The following STYX variants were observed in gnomAD, a reference collection of about 807,000 sequenced individuals.
STYX encodes the protein serine/threonine/tyrosine interacting protein.
A neutral mutation model predicts 42.7 loss-of-function variants in STYX; 20 were observed. The observed-to-expected ratio is 0.47, with a 90% CI of 0.33 to 0.68. STYX has a LOEUF of 0.68. Ranked by LOEUF, STYX falls within the 30% of genes least tolerant of loss-of-function variation. The pLI, the probability that STYX is intolerant of heterozygous loss-of-function variation, is 0.02. For synonymous variants in STYX, 78 were observed against 81.9 expected (o/e 0.95, Z 0.26); for missense variants, 226 against 268.5 (o/e 0.84, Z 1.11).
chr14:52,750,137 T>TAA (rs1232151651), intron 3 of STYX, among the ~76,000 whole-genome samples: 2 of 152,240 alleles, frequency 1.3e-5, no homozygotes, highest in African/African-American at 4.8e-5. Flanking sequence ...TTGCCATTTT[T>TAA]AACTTCAGGA....
chr14:52,774,630 T>G lies in STYX; in HGVS notation c.*3524T>G, dbSNP rs1420017706. The G allele has an allele frequency of 6.7e-6, 1 of 149,630 alleles. No homozygotes were observed. Among genetic ancestry groups the G allele is most frequent in the African/African-American group, 2.5e-5 (1 of 40,694 alleles). The allele number at this position is 149,630 out of a possible 1,614,324, so 9.3% of individuals were successfully genotyped here. A position where few individuals can be genotyped will look rare whatever the true frequency, so the allele number is the denominator to read the frequency against. ...TTTTGTCTTTCCCATCTGTGGCAGC[T>G]AAAACAAAAATCACTCAAAATATTC... On this transcript the variant is annotated 3_prime_UTR_variant, in exon 11 of 11. Coordinates refer to ENST00000354586, the MANE Select transcript of STYX (RefSeq NM_145251.4).
intron 1 of STYX, among the ~76,000 whole-genome samples, chr14:52,736,331 T>G (rs1880948697): frequency 6.6e-6 from 1 of 152,240 alleles, no homozygotes; most frequent in African/African-American, 2.4e-5. Context: ...ACTTTAATAC[T>G]TACCTTTGTA....
chr14:52,755,903 A>G (rs1881845765), intron 4 of STYX, among the ~76,000 whole-genome samples: 1 of 152,176 alleles, frequency 6.6e-6, no homozygotes, highest in African/African-American at 2.4e-5. Context: ...TAAAAGAATA[A>G]CATAACGATT....
chr14:52,743,689 T>A (rs1297686918), intron 1 of STYX, among the ~76,000 whole-genome samples: 1 of 152,194 alleles, frequency 6.6e-6, no homozygotes. Flanking sequence ...CCTAAAATTG[T>A]TTCAAAATAA....
chr14:52,752,372 G>A (rs1020054243), intron 4 of STYX, among the ~76,000 whole-genome samples: 1 of 151,926 alleles, frequency 6.6e-6, no homozygotes, highest in East Asian at 1.9e-4. Flanking sequence ...GGCTGAGGCA[G>A]GAGAATCACT....
At chr14:52,740,083 C>G (rs1423216102) in intron 1 of STYX, among the ~76,000 whole-genome samples, 1 of 152,142 alleles carries the variant, frequency 6.6e-6, no homozygotes, top group Non-Finnish European at 1.5e-5. Context: ...TCAAGACCAA[C>G]CTGGCCAAGA....
At chr14:52,738,547 A>AT (rs977104109) in intron 1 of STYX, among the ~76,000 whole-genome samples, 6 of 152,198 alleles carry the variant, frequency 3.9e-5, no homozygotes, top group African/African-American at 1.4e-4. Flanking sequence ...TCCCTAAAGA[A>AT]TTTTTTTGAT....
chr14:52,746,758 A>G (rs1881411324), intron 3 of STYX, among the ~76,000 whole-genome samples: 2 of 152,220 alleles, frequency 1.3e-5, no homozygotes, highest in African/African-American at 4.8e-5. Flanking sequence ...TTTACTCTCT[A>G]AAACACTAGA....
rs76805489 is a variant in STYX at position 52,754,595 on chromosome 14, A to G, written c.243-1956A>G. Among the ~76,000 whole-genome samples the G allele has an allele frequency of 1.2e-3, 179 of 152,314 alleles. 1 individual carries two copies. In the East Asian group the frequency reaches 0.026, roughly 22 times the overall value. On this transcript the variant is annotated intron_variant, in intron 4 of 10. Coordinates refer to ENST00000354586, the MANE Select transcript of STYX (RefSeq NM_145251.4). ...TATTTAAATCATCTACAGTTCCACA[A>G]TTCAGAGAAAACACTTTTGTTAACA...
chr14:52,753,733 C>G (rs1881727407), intron 4 of STYX, among the ~76,000 whole-genome samples: 1 of 150,520 alleles, frequency 6.6e-6, no homozygotes, highest in Non-Finnish European at 1.5e-5. Context: ...TGTATTTTAC[C>G]TTATTTTTTG....
In STYX at chr14:52,730,243, G is replaced by A; in HGVS notation, c.-232G>A. The A allele has an allele frequency of 3.5e-6, 2 of 568,686 alleles. No individual in the cohort carries two copies. The highest frequency in any genetic ancestry group is 6.3e-6 in the Non-Finnish European group (2 of 318,144). 35.2% of individuals were successfully genotyped at this position (568,686 alleles called of 1,614,324 possible). On this transcript the variant is annotated 5_prime_UTR_variant, in exon 1 of 11. Transcript: ENST00000354586. ...GACTCTGGGGGAGGGAGACGGCAGC[G>A]GCATGGCGGCCGGGTGTAAGACGCC...
intron 8 of STYX, among the ~76,000 whole-genome samples, chr14:52,758,681 T>C (rs1217241678): frequency 2.0e-5 from 3 of 152,144 alleles, no homozygotes; most frequent in Non-Finnish European, 2.9e-5. Flanking sequence ...ATTCAAGCAA[T>C]TCTCCTGCCT....
At chr14:52,762,925 C>G (rs1417498311) in intron 9 of STYX, among the ~76,000 whole-genome samples, 3 of 102,568 alleles carry the variant, frequency 2.9e-5, no homozygotes, top group Non-Finnish European at 5.2e-5. Context: ...GAGTCTTCTG[C>G]TCTGTTGCCC....
At position 52,753,892 on chromosome 14, in the gene STYX, A is replaced by ATTTT. The variant is rs56734068; in HGVS notation, c.243-2635_243-2632dup. On this transcript the variant is annotated intron_variant, in intron 4 of 10. Coordinates refer to ENST00000354586, the MANE Select transcript of STYX (RefSeq NM_145251.4). ...TAAAAAGGAATATCCCAAAACACTG[A>ATTTT]TTTTTTTTTTTTTTTTTTTTTTTTT... Among the ~76,000 whole-genome samples the ATTTT allele has an allele frequency of 1.9e-3, 150 of 77,234 alleles. 17 individuals carry two copies. The highest frequency in any genetic ancestry group is 3.4e-3 in the African/African-American group (70 of 20,778). 50.7% of individuals were successfully genotyped at this position (77,234 alleles called of 152,430 possible).
At chr14:52,758,913 T>C (rs1044614948) in intron 8 of STYX, among the ~76,000 whole-genome samples, 5 of 152,172 alleles carry the variant, frequency 3.3e-5, no homozygotes. Context: ...TAAACATGTA[T>C]TGATGGACTT....
At chr14:52,758,654 C>T (rs1881968616) in intron 8 of STYX, among the ~76,000 whole-genome samples, 1 of 152,050 alleles carries the variant, frequency 6.6e-6, no homozygotes, top group East Asian at 1.9e-4. Context: ...CAGCTCACTG[C>T]AACCCCCGCC....
intron 1 of STYX, 109 bp downstream of exon 1, chr14:52,730,640 T>G: frequency 8.1e-7 from 1 of 1,232,190 alleles, no homozygotes; most frequent in Non-Finnish European, 1.1e-6. Flanking sequence ...GCGCCCTGCC[T>G]CCTAAGGGCG....
intron 4 of STYX, among the ~76,000 whole-genome samples, chr14:52,754,460 A>G (rs556139276): frequency 9.2e-5 from 13 of 142,004 alleles, no homozygotes; most frequent in African/African-American, 3.4e-4. Context: ...CGATCTACCC[A>G]CCTCAGCCTC....
chr14:52,759,754 G>A lies in STYX; in HGVS notation c.504G>A (p.Gln168=), dbSNP rs773960178. 2.5e-6 allele frequency: 4 copies of A among 1,603,490 alleles called. No individual in the cohort carries two copies. Reference sequence around the variant, plus strand: ...ATGCTGGATTTGTCCATCAACTTCAGGTAACTTTTCTTCCTCTTTAAGGCA... The same window carrying A: ...ATGCTGGATTTGTCCATCAACTTCAAGTAACTTTTCTTCCTCTTTAAGGCA... ...NPNAGFVHQL[Q]EYEAIYLAKL... The change falls in exon 9 of 11, where the codon CAG becomes CAA. Residue 168 remains glutamine (Q), a splice_region_variant and synonymous_variant. Transcript: ENST00000354586.
Sources: gnomAD v4.1 joint callset for allele counts (sites outside exome capture counted in the v4.1 genomes callset) on GRCh38, gnomAD v4.1.1 for gene constraint, MANE v1.5 for transcripts, NCBI Gene and HGNC (gene_info 2026-07-23, HGNC 2026-07-21) for gene names.